The following CHEK2 variants were observed in gnomAD, a reference collection of about 807,000 sequenced individuals.
CHEK2 encodes the protein serine/threonine-protein kinase Chk2.
In CHEK2, 71 loss-of-function variants were observed where a neutral mutation model predicts 69.1. The observed-to-expected ratio is 1.03, with a 90% CI of 0.85 to 1.25. CHEK2 has a LOEUF of 1.25. Among genes scored for constraint, CHEK2 ranks in the 50% most tolerant of loss-of-function variants. The pLI is 0.00. For synonymous variants in CHEK2, 189 were observed against 226.9 expected (o/e 0.83, Z 1.50); for missense variants, 664 against 649.6 (o/e 1.02, Z -0.24).
chr22:28,731,445 C>A (rs1167694510), intron 2 of CHEK2, among the ~76,000 whole-genome samples: 1 of 151,710 alleles, frequency 6.6e-6, no homozygotes, highest in Non-Finnish European at 1.5e-5. Flanking sequence ...CTAAAAAATA[C>A]AGAACTTAGC....
chr22:28,699,982 C>T (rs772286634), intron 8 of CHEK2, 45 bp from the exon 9 acceptor site: 17 of 1,286,324 alleles, frequency 1.3e-5, no homozygotes, highest in African/African-American at 3.0e-5. Flanking sequence ...TGGGGGAAAA[C>T]GCACTTGGAC....
At chr22:28,720,257 A>C (rs2146015907) in intron 4 of CHEK2, among the ~76,000 whole-genome samples, 1 of 151,870 alleles carries the variant, frequency 6.6e-6, no homozygotes. Context: ...TGCCCGGCTA[A>C]GTTTTGTATT....
intron 1 of CHEK2, chr22:28,737,315 A>G: frequency 2.1e-6 from 1 of 476,478 alleles, no homozygotes; most frequent in Non-Finnish European, 4.3e-6. Context: ...TTAAATTGAG[A>G]TCTTTCACCT....
chr22:28,704,548 G>A (rs908759966), intron 7 of CHEK2, among the ~76,000 whole-genome samples: 10 of 152,172 alleles, frequency 6.6e-5, no homozygotes, highest in East Asian at 1.9e-4. Flanking sequence ...GGCCAGGTTC[G>A]TCTTGAACTC....
chr22:28,703,695 C>G (rs1404398666), intron 7 of CHEK2, 129 bp from the exon 8 acceptor site: 1 of 665,938 alleles, frequency 1.5e-6, no homozygotes, highest in Non-Finnish European at 2.7e-6. Context: ...GCCTCAGAGG[C>G]TTGGAAGTTC....
Position 28,719,351 on chromosome 22 carries a change from T to C in CHEK2, c.683+44A>G, listed in dbSNP as rs765300179. On this transcript the variant is annotated intron_variant, in intron 5 of 14. Transcript: ENST00000404276. ...AATGAGAAACCACCAATCACAAATG[T>C]ATAGTGAAAAAATTAAGTGCATTTA... 7.6e-6 allele frequency: 8 copies of C among 1,046,464 alleles called. No individual in the cohort carries two copies. The highest frequency in any genetic ancestry group is 6.6e-5 in the Admixed American group (3 of 45,408). 64.8% of individuals were successfully genotyped at this position (1,046,464 alleles called of 1,614,324 possible).
At chr22:28,699,258 C>G (rs1696087223) in intron 9 of CHEK2, among the ~76,000 whole-genome samples, 1 of 152,118 alleles carries the variant, frequency 6.6e-6, no homozygotes, top group Non-Finnish European at 1.5e-5. Context: ...CTGCCTTGGC[C>G]TCTCAAAGTG....
chr22:28,695,491 T>C (rs2052536940), intron 11 of CHEK2, among the ~76,000 whole-genome samples: 2 of 151,908 alleles, frequency 1.3e-5, no homozygotes, highest in Admixed American at 1.3e-4. Flanking sequence ...ACCCCATCAC[T>C]ACAAAAAATA....
At chr22:28,734,772 A>G (rs1380214962) in intron 1 of CHEK2, 45 bp from the exon 2 acceptor site, 1 of 1,540,848 alleles carries the variant, frequency 6.5e-7, no homozygotes, top group Admixed American at 1.7e-5. Flanking sequence ...TTCAAGGCAC[A>G]AGACTTAAAA....
At chr22:28,699,167 G>A (rs183976802) in intron 9 of CHEK2, among the ~76,000 whole-genome samples, 1 of 152,072 alleles carries the variant, frequency 6.6e-6, no homozygotes, top group East Asian at 1.9e-4. Context: ...ACCATGCCTG[G>A]CTATTTTTAT....
chr22:28,741,148 CAAAAAAA>C (rs71194792), intron 1 of CHEK2, among the ~76,000 whole-genome samples: 4 of 51,162 alleles, frequency 7.8e-5, no homozygotes, highest in East Asian at 7.6e-4. Flanking sequence ...GACTCCGTCT[CAAAAAAA>C]AAAAAAAAAA....
chr22:28,741,213 A>G (rs2054547590), intron 1 of CHEK2, among the ~76,000 whole-genome samples: 1 of 151,992 alleles, frequency 6.6e-6, no homozygotes, highest in African/African-American at 2.4e-5. Flanking sequence ...TATATCAAAA[A>G]TAAATAATTT....
At chr22:28,717,571 G>GT (rs2053626617) in intron 5 of CHEK2, among the ~76,000 whole-genome samples, 1 of 149,856 alleles carries the variant, frequency 6.7e-6, no homozygotes, top group Middle Eastern at 3.3e-3. Context: ...CATCTCTACA[G>GT]TAAAAAAAAA....
At chr22:28,702,604 T>C (rs1444930978) in intron 8 of CHEK2, among the ~76,000 whole-genome samples, 1 of 145,806 alleles carries the variant, frequency 6.9e-6, no homozygotes, top group Admixed American at 7.2e-5. Context: ...TGGAGTACAG[T>C]GGCACAATCT....
In CHEK2 at chr22:28,711,882, G is replaced by A. The variant is rs1381747101; in HGVS notation, c.792+27C>T. Reference sequence around the variant, plus strand: ...AAGTTATGAAGACGTGTTAATAAAAGGTGATCAGCCTTTTATTGGTACTTA... The same window carrying A: ...AAGTTATGAAGACGTGTTAATAAAAAGTGATCAGCCTTTTATTGGTACTTA... On this transcript the variant is annotated intron_variant, in intron 6 of 14. Coordinates refer to ENST00000404276, the MANE Select transcript of CHEK2 (RefSeq NM_007194.4). 3.5e-6 allele frequency: 5 copies of A among 1,441,172 alleles called. No homozygotes were observed. In the South Asian group the frequency reaches 4.6e-5, roughly 13 times the overall value. 89.3% of individuals were successfully genotyped at this position (1,441,172 alleles called of 1,614,324 possible).
Position 28,719,399 on chromosome 22 carries a change from CA to C in CHEK2, c.678del (p.Gly227GlufsTer8). The C allele has an allele frequency of 1.3e-6, 2 of 1,562,972 alleles. No individual in the cohort carries two copies. The highest frequency in any genetic ancestry group is 1.7e-6 in the Non-Finnish European group (2 of 1,144,590). ...TTATATAAGAAAATAATTTACCTTC[CA>C]AGAGTTTTTGACATGATGTATTCAT... ...LRDEYIMSKT[L>X]GSGACGEVKL... is the part of the protein sequence containing the mutation. On this transcript the variant is annotated frameshift_variant, in exon 5 of 15. Transcript: ENST00000404276. LOFTEE classifies it high-confidence loss of function.
intron 5 of CHEK2, among the ~76,000 whole-genome samples, chr22:28,712,693 G>A (rs186365333): frequency 6.6e-6 from 1 of 152,290 alleles, no homozygotes; most frequent in Non-Finnish European, 1.5e-5. Flanking sequence ...GTCAGCCCAA[G>A]ATAATGGCTA....
intron 9 of CHEK2, among the ~76,000 whole-genome samples, chr22:28,698,228 T>TAAAAAA (rs398040472): frequency 4.9e-5 from 4 of 81,900 alleles, no homozygotes; most frequent in Non-Finnish European, 7.6e-5. Flanking sequence ...CTATCTTTAC[T>TAAAAAA]AAAAAAAAAA....
In CHEK2 at chr22:28,704,111, GAGAC is replaced by G. The variant is rs1363951908; in HGVS notation, c.847-549_847-546del. ...CACACTTGGGTCGGGGGCAGAGAGAGAGACAGACAGACACACACACACACACACA... is the reference window on the plus strand; with the variant it reads ...CACACTTGGGTCGGGGGCAGAGAGAGAGACAGACACACACACACACACACA... On this transcript the variant is annotated intron_variant, in intron 7 of 14. Transcript: ENST00000404276. 5.4e-4 allele frequency among the ~76,000 whole-genome samples: 60 copies of G among 110,266 alleles called. No homozygotes were observed. The East Asian group carries it at 6.0e-3, about 11-fold the overall frequency. 72.3% of individuals were successfully genotyped at this position (110,266 alleles called of 152,430 possible).
Sources: gnomAD v4.1 joint callset for allele counts (sites outside exome capture counted in the v4.1 genomes callset) on GRCh38, gnomAD v4.1.1 for gene constraint, MANE v1.5 for transcripts, NCBI Gene and HGNC (gene_info 2026-07-23, HGNC 2026-07-21) for gene names.